Variants in AHDC1 observed in about 807,000 individuals in gnomAD.
The protein encoded by AHDC1 is AT-hook DNA binding motif containing 1.
A neutral mutation model predicts 87.9 loss-of-function variants in AHDC1; 7 were observed. The ratio of observed to expected loss-of-function variants is 0.08; its 90% CI spans 0.05 to 0.15. The LOEUF is 0.15. Among genes scored for constraint, AHDC1 ranks in the 10% least tolerant of loss-of-function variants. AHDC1 has a pLI of 1.00. For missense variants in AHDC1, 1,841 were observed against 2,253.2 expected, an observed-to-expected ratio of 0.82 and a Z score of 3.70; for synonymous variants, 1,051 against 1,006.8, an observed-to-expected ratio of 1.04 and a Z score of -0.83.
At chr1:27,566,452 G>C (rs116486332) in intron 3 of AHDC1, among the ~76,000 whole-genome samples, 24 of 152,106 alleles carry the variant, frequency 1.6e-4, no homozygotes, top group South Asian at 4.2e-4. Context: ...ACACGCACAG[G>C]GGGGAAGAGA....
rs2019443146 is a variant in AHDC1 at position 27,550,014 on chromosome 1, T to C, written c.2102A>G (p.Lys701Arg). The change falls in exon 8 of 9, where the codon AAA becomes AGA. Residue 701 changes from lysine to arginine, a missense_variant. By Grantham distance (26) the Lys-to-Arg change is conservative (BLOSUM62 2). Around this residue, in one of 13 missense-constraint regions of AHDC1, gnomAD observed 236 missense variants for 257.9 expected, o/e 0.92. Coordinates refer to ENST00000673934, the MANE Select transcript of AHDC1 (RefSeq NM_001371928.1). The part of the protein sequence containing the change: ...FSDFFEGIGK[K>R]KKVVAVAAAG... ...GGCTGCCACGGCCACCACCTTCTTTTTCTTGCCGATGCCCTCAAAGAAGTC... is the reference window on the plus strand; with the variant it reads ...GGCTGCCACGGCCACCACCTTCTTTCTCTTGCCGATGCCCTCAAAGAAGTC... 2 of 1,599,218 alleles carry C rather than the reference T, an allele frequency of 1.3e-6. No individual in the cohort carries two copies. The highest frequency in any genetic ancestry group is 1.7e-6 in the Non-Finnish European group (2 of 1,170,208).
At chr1:27,567,434 A>G (rs1031688562) in intron 3 of AHDC1, among the ~76,000 whole-genome samples, 2 of 152,126 alleles carry the variant, frequency 1.3e-5, no homozygotes, top group Admixed American at 1.3e-4. Context: ...TGGTGTTGTC[A>G]AGCGAGATGT....
At chr1:27,575,662 C>G (rs2088703985) in intron 3 of AHDC1, among the ~76,000 whole-genome samples, 1 of 151,712 alleles carries the variant, frequency 6.6e-6, no homozygotes, top group South Asian at 2.1e-4. Context: ...TGCCGGCCGG[C>G]CGCGCGGCCC....
At position 27,544,498 on chromosome 1, in the gene AHDC1, G is replaced by A. The variant is rs927292592; in HGVS notation, c.*43+2763C>T. Among the ~76,000 whole-genome samples, 30 of 152,204 alleles carry A rather than the reference G, an allele frequency of 2.0e-4. 1 individual carries two copies. Among genetic ancestry groups the A allele is most frequent in the Non-Finnish European group, 5.9e-5 (4 of 68,032 alleles). The stretch of plus-strand genomic sequence containing the variant: ...ATGGACACACAGGGGCTCAGGTTGG[G>A]AAACTAAGCTCAACTGCTGCTTCTC... On this transcript the variant is annotated intron_variant, in intron 8 of 8. Transcript: ENST00000673934.
chr1:27,538,374 G>A (rs1238212489), intron 8 of AHDC1, among the ~76,000 whole-genome samples: 2 of 136,308 alleles, frequency 1.5e-5, no homozygotes, highest in Non-Finnish European at 3.1e-5. Context: ...CTCCACTCCA[G>A]CCTGGGTGAC....
chr1:27,547,927 C>T lies in AHDC1; in HGVS notation c.4189G>A (p.Ala1397Thr). The change falls in exon 8 of 9, where the codon GCA (alanine) becomes ACA (threonine). Residue 1397 changes from alanine (A) to threonine (T), a missense_variant. Physicochemically the swap from Ala to Thr is moderately conservative, Grantham distance 58. Coordinates refer to ENST00000673934, the MANE Select transcript of AHDC1 (RefSeq NM_001371928.1). This position sits in a 1 kb window ranked among gnomAD's most constrained non-coding sequence, Gnocchi z 4.9. ...GTAGGCGAGCAGGTGGGCGAGTATG[C>T]CTTCTGCAGGCCGGCGTCAAACACC... ...PTVFDAGLQK[A>T]YSPTCSPTLG... 1 of 1,579,810 alleles carries T rather than the reference C, an allele frequency of 6.3e-7. No individual in the cohort carries two copies. Among genetic ancestry groups the T allele is most frequent in the Non-Finnish European group, 8.6e-7 (1 of 1,159,560 alleles).
chr1:27,569,783 C>T (rs757339849), intron 3 of AHDC1, among the ~76,000 whole-genome samples: 1 of 152,090 alleles, frequency 6.6e-6, no homozygotes, highest in African/African-American at 2.4e-5. Flanking sequence ...TTGGTTGGGG[C>T]GCCTGGCCTG....
intron 8 of AHDC1, among the ~76,000 whole-genome samples, chr1:27,537,246 A>G (rs535987194): frequency 2.0e-5 from 3 of 152,302 alleles, no homozygotes; most frequent in Admixed American, 6.5e-5. Context: ...CGTGCCAGGC[A>G]GCCCAGTGCT....
At chr1:27,586,428 C>G (rs901554382) in intron 3 of AHDC1, among the ~76,000 whole-genome samples, 6 of 152,124 alleles carry the variant, frequency 3.9e-5, no homozygotes, top group Admixed American at 3.9e-4. Context: ...CCTGGCCCAG[C>G]CTTCCACCCA....
chr1:27,592,280 G>A (rs2089243146), intron 3 of AHDC1, among the ~76,000 whole-genome samples: 1 of 152,150 alleles, frequency 6.6e-6, no homozygotes, highest in African/African-American at 2.4e-5. Context: ...CATCCACAGA[G>A]CCCGTCACCA....
In AHDC1 at chr1:27,561,619, G is replaced by A. The variant is rs1332392738; in HGVS notation, c.-628-2736C>T. On this transcript the variant is annotated intron_variant, in intron 3 of 8. Transcript: ENST00000673934. This position sits in a 1 kb window ranked among gnomAD's most constrained non-coding sequence, Gnocchi z 4.2. ...TTAGCTGCTCTGGCCTCCTTGTTCA[G>A]GGGGTGTTGGCTGGGGGAGATTTGT... 6.6e-6 allele frequency among the ~76,000 whole-genome samples: 1 copy of A among 152,092 alleles called. No individual in the cohort carries two copies. Among genetic ancestry groups the A allele is most frequent in the Non-Finnish European group, 1.5e-5 (1 of 68,020 alleles).
intron 3 of AHDC1, among the ~76,000 whole-genome samples, chr1:27,566,921 G>C (rs568123607): frequency 5.3e-5 from 8 of 152,126 alleles, no homozygotes; most frequent in African/African-American, 1.9e-4. Flanking sequence ...GGCATGGTAG[G>C]GGGCTGAGGC....
intron 8 of AHDC1, among the ~76,000 whole-genome samples, chr1:27,541,564 C>T (rs2018919655): frequency 6.7e-6 from 1 of 149,256 alleles, no homozygotes; most frequent in Admixed American, 6.7e-5. Context: ...AGTGATCTGC[C>T]CGCCTCGGCC....
chr1:27,540,557 G>A (rs971227347), intron 8 of AHDC1, among the ~76,000 whole-genome samples: 5 of 152,122 alleles, frequency 3.3e-5, no homozygotes, highest in African/African-American at 4.8e-5. Context: ...TGCAGAGAGG[G>A]TGAGAGATTA....
Position 27,595,532 on chromosome 1 carries a change from T to C in AHDC1, c.-629+7865A>G, listed in dbSNP as rs2089347262. Among the ~76,000 whole-genome samples, 1 of 151,074 alleles carries C rather than the reference T, an allele frequency of 6.6e-6. No homozygotes were observed. The highest frequency in any genetic ancestry group is 2.4e-5 in the African/African-American group (1 of 40,890). ...GGGGTCATAAAAATGTGGGTTTTGG[T>C]TAAGTACTAGGGCTGTGAACATGTG... On this transcript the variant is annotated intron_variant, in intron 3 of 8. Coordinates refer to ENST00000673934, the MANE Select transcript of AHDC1 (RefSeq NM_001371928.1). The surrounding 1 kb of genome is among the most constrained non-coding windows in gnomAD (Gnocchi z 4.0).
intron 8 of AHDC1, among the ~76,000 whole-genome samples, chr1:27,538,183 C>T (rs79442680): frequency 0.021 from 3,151 of 152,082 alleles, 101 homozygotes; most frequent in African/African-American, 0.07. Context: ...GGGTGGATCT[C>T]TTGAGCTCAG....
chr1:27,541,759 A>G (rs1178293865), intron 8 of AHDC1, among the ~76,000 whole-genome samples: 5 of 151,526 alleles, frequency 3.3e-5, no homozygotes, highest in Non-Finnish European at 7.4e-5. Context: ...CTTCCCGAGT[A>G]GCTGGCACTA....
At chr1:27,589,674 T>C (rs2148467019) in intron 3 of AHDC1, among the ~76,000 whole-genome samples, 1 of 152,294 alleles carries the variant, frequency 6.6e-6, no homozygotes, top group Non-Finnish European at 1.5e-5. Context: ...TGTGTGATGT[T>C]TGTGAGACCA....
At chr1:27,539,841 C>A (rs1050099316) in intron 8 of AHDC1, among the ~76,000 whole-genome samples, 1 of 152,198 alleles carries the variant, frequency 6.6e-6, no homozygotes, top group Non-Finnish European at 1.5e-5. Context: ...TCTCATCTCC[C>A]CAGCTGTGAG....
Sources: gnomAD v4.1 joint callset for allele counts (sites outside exome capture counted in the v4.1 genomes callset) on GRCh38, gnomAD v4.1.1 for gene constraint, gnomAD v4.1.1 regional missense constraint, Gnocchi (gnomAD v3.1) non-coding constraint, MANE v1.5 for transcripts, NCBI Gene and HGNC (gene_info 2026-07-23, HGNC 2026-07-21) for gene names.